The following OR2L13 variants were observed in gnomAD, a reference collection of about 807,000 sequenced individuals.
The protein encoded by OR2L13 is olfactory receptor 2L13.
A neutral mutation model predicts 15.3 loss-of-function variants in OR2L13; 14 were observed. The observed-to-expected ratio is 0.91, with a 90% CI of 0.60 to 1.43. OR2L13 has a LOEUF of 1.43. Among genes scored for constraint, OR2L13 ranks in the 40% most tolerant of loss-of-function variants. OR2L13 has a pLI of 0.00. For synonymous variants in OR2L13, 152 were observed against 142.9 expected (o/e 1.06, Z -0.45); for missense variants, 367 against 387.9 (o/e 0.95, Z 0.45).
At chr1:248,087,047 C>T in the OR2L13 span, among the ~76,000 whole-genome samples, 3 of 152,108 alleles carry the variant, frequency 2.0e-5, no homozygotes, top group African/African-American at 7.2e-5. Flanking sequence ...CTTGAAAACA[C>T]ACACAGATCA....
upstream of OR2L13, among the ~76,000 whole-genome samples, chr1:248,092,881 C>T (rs1462115369): frequency 6.6e-6 from 1 of 152,082 alleles, no homozygotes; most frequent in Non-Finnish European, 1.5e-5. Flanking sequence ...TTGGTCAGAG[C>T]CTCCAAGGAG....
chr1:247,943,712 G>GT, the OR2L13 span, among the ~76,000 whole-genome samples: 1 of 152,052 alleles, frequency 6.6e-6, no homozygotes, highest in African/African-American at 2.4e-5. Flanking sequence ...ACTTATGATG[G>GT]TTTTTTCAGG....
the OR2L13 span, among the ~76,000 whole-genome samples, chr1:248,076,415 G>T: frequency 6.6e-6 from 1 of 152,138 alleles, no homozygotes; most frequent in Non-Finnish European, 1.5e-5. Flanking sequence ...GGATGGCATT[G>T]AATGTATAAA....
chr1:248,023,003 T>C, the OR2L13 span: 39 of 979,750 alleles, frequency 4.0e-5, no homozygotes, highest in Middle Eastern at 1.1e-3. Context: ...ATCCAGAATG[T>C]TTGTCTTTTA....
the OR2L13 span, among the ~76,000 whole-genome samples, chr1:248,005,048 A>T: frequency 5.7e-3 from 872 of 152,232 alleles, 14 homozygotes; most frequent in Middle Eastern, 0.024. Flanking sequence ...TAAAGTGGGG[A>T]TGGTTAACAG....
the OR2L13 span, among the ~76,000 whole-genome samples, chr1:248,056,930 G>A: frequency 1.6e-4 from 25 of 151,748 alleles, no homozygotes; most frequent in African/African-American, 4.8e-4. Flanking sequence ...GATTACAGTC[G>A]TGAGCCACTG....
the OR2L13 span, chr1:248,039,093 T>C: frequency 5.6e-6 from 9 of 1,614,064 alleles, no homozygotes; most frequent in Non-Finnish European, 7.6e-6. Flanking sequence ...TCTGGCTGTT[T>C]TCTACACCAT....
At chr1:248,072,946 G>C in the OR2L13 span, among the ~76,000 whole-genome samples, 18 of 152,300 alleles carry the variant, frequency 1.2e-4, no homozygotes, top group African/African-American at 4.1e-4. Context: ...ACACCAGTTA[G>C]AATGGCAATC....
the OR2L13 span, among the ~76,000 whole-genome samples, chr1:247,983,521 G>T: frequency 2.0e-5 from 3 of 151,986 alleles, no homozygotes; most frequent in Non-Finnish European, 2.9e-5. Context: ...CTATTTTGGT[G>T]GATAAAAAAC....
At chr1:247,989,972 A>G in the OR2L13 span, among the ~76,000 whole-genome samples, 1 of 152,150 alleles carries the variant, frequency 6.6e-6, no homozygotes, top group Non-Finnish European at 1.5e-5. Context: ...GTTCAATAAG[A>G]TATTTTGAGA....
chr1:248,027,759 A>G, the OR2L13 span, among the ~76,000 whole-genome samples: 2 of 152,210 alleles, frequency 1.3e-5, no homozygotes, highest in African/African-American at 2.4e-5. Flanking sequence ...AAACTGACTC[A>G]GTGCAGGATG....
the OR2L13 span, among the ~76,000 whole-genome samples, chr1:247,955,115 C>T: frequency 6.6e-6 from 1 of 151,194 alleles, no homozygotes; most frequent in Non-Finnish European, 1.5e-5. Flanking sequence ...CACCCCACAG[C>T]AGGCCCTGGT....
upstream of OR2L13, among the ~76,000 whole-genome samples, chr1:248,091,656 C>A (rs1206851267): frequency 6.6e-6 from 1 of 151,686 alleles, no homozygotes; most frequent in African/African-American, 2.4e-5. Context: ...TGTCATTGTA[C>A]CATTAACATG....
chr1:248,093,390 A>G (rs1429840235), upstream of OR2L13, among the ~76,000 whole-genome samples: 1 of 152,200 alleles, frequency 6.6e-6, no homozygotes, highest in African/African-American at 2.4e-5. Flanking sequence ...ATTGCTGTGT[A>G]TGGATCTTAC....
At chr1:248,008,507 A>T in the OR2L13 span, among the ~76,000 whole-genome samples, 49 of 152,240 alleles carry the variant, frequency 3.2e-4, no homozygotes, top group African/African-American at 1.1e-3. Context: ...AAAGTGAGTG[A>T]TCTCTCATGT....
At chr1:247,982,071 T>A in the OR2L13 span, among the ~76,000 whole-genome samples, 2 of 152,180 alleles carry the variant, frequency 1.3e-5, no homozygotes, top group Non-Finnish European at 2.9e-5. Flanking sequence ...CGCCTCGGCC[T>A]CCCAAAGTGC....
chr1:248,046,656 G>C, the OR2L13 span, among the ~76,000 whole-genome samples: 1 of 152,112 alleles, frequency 6.6e-6, no homozygotes, highest in African/African-American at 2.4e-5. Flanking sequence ...ACAATCCCCA[G>C]TGAATATCAG....
the OR2L13 span, among the ~76,000 whole-genome samples, chr1:248,031,396 T>G: frequency 6.6e-6 from 1 of 152,230 alleles, no homozygotes; most frequent in South Asian, 2.1e-4. Context: ...GAGCAAGGTC[T>G]GGTAGAAAGA....
the OR2L13 span, among the ~76,000 whole-genome samples, chr1:247,986,673 A>C: frequency 1.3e-5 from 2 of 152,056 alleles, no homozygotes; most frequent in Non-Finnish European, 2.9e-5. Flanking sequence ...CTTGATGGGG[A>C]TGGCATTGGA....
Sources: allele counts gnomAD v4.1 joint callset (sites outside exome capture counted in the v4.1 genomes callset), GRCh38; gene constraint gnomAD v4.1.1; transcripts MANE v1.5; gene names NCBI Gene and HGNC (gene_info 2026-07-23, HGNC 2026-07-21).